The following PIAS1 variants were observed in gnomAD, a reference collection of about 807,000 sequenced individuals.
PIAS1 encodes E3 SUMO-protein ligase PIAS1.
PIAS1 carries 6 observed loss-of-function variants against 71.3 expected under a neutral mutation model. The ratio of observed to expected loss-of-function variants is 0.08; its 90% CI spans 0.05 to 0.17. PIAS1 has a LOEUF of 0.17. Ranked by LOEUF, PIAS1 falls within the 10% of genes least tolerant of loss-of-function variation. The pLI is 1.00. For missense variants in PIAS1, 555 were observed against 793.6 expected (o/e 0.70, Z 3.61); for synonymous variants, 303 against 292.9 (o/e 1.03, Z -0.35).
intron 1 of PIAS1, among the ~76,000 whole-genome samples, chr15:68,064,571 A>G (rs1442614707): frequency 6.6e-6 from 1 of 152,250 alleles, no homozygotes; most frequent in Non-Finnish European, 1.5e-5. Context: ...ACGGTTTCAG[A>G]TTCCTGCGTT....
intron 2 of PIAS1, among the ~76,000 whole-genome samples, chr15:68,132,502 A>G (rs1220586894): frequency 6.6e-6 from 1 of 152,094 alleles, no homozygotes; most frequent in Non-Finnish European, 1.5e-5. Context: ...TACAATGTTA[A>G]AGGTACATCA....
rs556812259 is a variant in PIAS1, at chr15:68,063,754, C to A, written c.24+9404C>A. ...TCCCCGAAGTTTTTCTGAGGGTTCT[C>A]CAGGTCAAAATGATTTTCCTAATAA... On this transcript the variant is annotated intron_variant, in intron 1 of 13. Transcript: ENST00000249636. 2.0e-3 allele frequency among the ~76,000 whole-genome samples: 301 copies of A among 152,170 alleles called. 1 individual carries two copies. The highest frequency in any genetic ancestry group is 2.8e-3 in the Non-Finnish European group (193 of 67,998).
chr15:68,152,990 A>T (rs2092859271), intron 6 of PIAS1, among the ~76,000 whole-genome samples: 1 of 150,422 alleles, frequency 6.6e-6, no homozygotes, highest in African/African-American at 2.4e-5. Context: ...CATTTGCCAA[A>T]CCAGCAGCTT....
intron 2 of PIAS1, among the ~76,000 whole-genome samples, chr15:68,120,046 GATCCT>G (rs1595740754): frequency 6.6e-6 from 1 of 152,306 alleles, no homozygotes; most frequent in East Asian, 1.9e-4. Flanking sequence ...GGGCTGAAGC[GATCCT>G]TCTGCCTCAG....
At chr15:68,131,397 G>A (rs2092686965) in intron 2 of PIAS1, among the ~76,000 whole-genome samples, 1 of 151,610 alleles carries the variant, frequency 6.6e-6, no homozygotes, top group East Asian at 1.9e-4. Flanking sequence ...CATTTTTTAG[G>A]TGATGAGAAC....
chr15:68,148,957 C>T (rs1257685835), intron 6 of PIAS1, among the ~76,000 whole-genome samples: 4 of 151,328 alleles, frequency 2.6e-5, no homozygotes, highest in Non-Finnish European at 4.4e-5. Flanking sequence ...AATTGAAAGT[C>T]GAGGGCTAAG....
chr15:68,083,005 A>G (rs1475976103), intron 1 of PIAS1, among the ~76,000 whole-genome samples: 2 of 152,172 alleles, frequency 1.3e-5, no homozygotes, highest in East Asian at 3.8e-4. Context: ...GTTCTGAGGC[A>G]TTCTAAATCC....
intron 1 of PIAS1, among the ~76,000 whole-genome samples, chr15:68,058,796 G>T (rs532227747): frequency 6.6e-6 from 1 of 152,162 alleles, no homozygotes; most frequent in Non-Finnish European, 1.5e-5. Context: ...GAGATATCAT[G>T]GTTAACATCT....
chr15:68,082,432 T>G (rs1029886011), intron 1 of PIAS1, among the ~76,000 whole-genome samples: 2 of 152,142 alleles, frequency 1.3e-5, no homozygotes, highest in Non-Finnish European at 2.9e-5. Flanking sequence ...TTACCTGATG[T>G]ATTTGAATAT....
intron 2 of PIAS1, among the ~76,000 whole-genome samples, chr15:68,093,907 A>C (rs533524682): frequency 6.6e-6 from 1 of 152,080 alleles, no homozygotes; most frequent in Admixed American, 6.6e-5. Context: ...CTAAATTCTG[A>C]AAGTATTCTA....
Position 68,171,272 on chromosome 15 carries a change from T to C in PIAS1, c.1009-2460T>C, listed in dbSNP as rs2092989676. On this transcript the variant is annotated intron_variant, in intron 8 of 13. Coordinates refer to ENST00000249636, the MANE Select transcript of PIAS1 (RefSeq NM_016166.3). The surrounding 1 kb of genome is among the most constrained non-coding windows in gnomAD (Gnocchi z 4.4). ...GTAACAGACATGGAGCTGTTCTCTCTTATGGTAACAGTGCCTTCTTCTGGA... is the reference window on the plus strand; with the variant it reads ...GTAACAGACATGGAGCTGTTCTCTCCTATGGTAACAGTGCCTTCTTCTGGA... Among the ~76,000 whole-genome samples, 2 of 152,200 alleles carry C rather than the reference T, an allele frequency of 1.3e-5. No homozygotes were observed. Among genetic ancestry groups the C allele is most frequent in the African/African-American group, 4.8e-5 (2 of 41,450 alleles).
chr15:68,186,895 CTG>C lies in PIAS1; in HGVS notation c.1663-644_1663-643del, dbSNP rs1186620906. On this transcript the variant is annotated intron_variant, in intron 13 of 13. Transcript: ENST00000249636. This position sits in a 1 kb window ranked among gnomAD's most constrained non-coding sequence, Gnocchi z 4.4. ...TACTGTCTAGGTTTGTGCAAGCACA[CTG>C]TGATGTTTGCACAGCCACAAAACCG... Among the ~76,000 whole-genome samples the C allele has an allele frequency of 1.3e-5, 2 of 152,220 alleles. No individual in the cohort carries two copies. The highest frequency in any genetic ancestry group is 2.4e-5 in the African/African-American group (1 of 41,456).
intron 12 of PIAS1, among the ~76,000 whole-genome samples, chr15:68,182,422 GCT>G (rs2093058869): frequency 8.2e-6 from 1 of 121,266 alleles, no homozygotes; most frequent in Non-Finnish European, 1.7e-5. Flanking sequence ...GGAAGTTACA[GCT>G]AGTGTGTGTG....
intron 2 of PIAS1, among the ~76,000 whole-genome samples, chr15:68,113,210 C>T (rs1317740025): frequency 6.6e-6 from 1 of 152,082 alleles, no homozygotes; most frequent in African/African-American, 2.4e-5. Context: ...TGTGCACATA[C>T]ATAGGTACAT....
intron 11 of PIAS1, among the ~76,000 whole-genome samples, chr15:68,176,945 T>A (rs1007017054): frequency 3.3e-5 from 5 of 152,118 alleles, no homozygotes; most frequent in Non-Finnish European, 1.5e-5. Flanking sequence ...AATGCATACA[T>A]TGCGCCCCCA....
At chr15:68,180,686 C>G (rs552012214) in intron 11 of PIAS1, among the ~76,000 whole-genome samples, 19 of 152,272 alleles carry the variant, frequency 1.2e-4, no homozygotes, top group Non-Finnish European at 2.2e-4. Context: ...GTATACTAAA[C>G]AATACCCAGT....
At chr15:68,120,415 T>A (rs952150025) in intron 2 of PIAS1, among the ~76,000 whole-genome samples, 2 of 152,180 alleles carry the variant, frequency 1.3e-5, no homozygotes, top group African/African-American at 4.8e-5. Flanking sequence ...TTTCCCCTTT[T>A]TCATATGCCT....
chr15:68,129,208 A>G (rs891273821), intron 2 of PIAS1, among the ~76,000 whole-genome samples: 2 of 152,052 alleles, frequency 1.3e-5, no homozygotes, highest in Admixed American at 1.3e-4. Context: ...GACTGTAGGC[A>G]CATACCACCA....
rs1295548480 is a variant in PIAS1 at position 68,171,904 on chromosome 15, A to G, written c.1009-1828A>G. ...TCAAGCCTTTATATTTTTCTTTCAT[A>G]TATATTTTTTTCTTTTATATGTTTT... is the stretch of plus-strand genomic sequence containing the variant. On this transcript the variant is annotated intron_variant, in intron 8 of 13. Transcript: ENST00000249636. This position sits in a 1 kb window ranked among gnomAD's most constrained non-coding sequence, Gnocchi z 4.4. Among the ~76,000 whole-genome samples, 2 of 151,186 alleles carry G rather than the reference A, an allele frequency of 1.3e-5. No individual in the cohort carries two copies. Among genetic ancestry groups the G allele is most frequent in the Non-Finnish European group, 2.9e-5 (2 of 67,856 alleles).
Sources: allele counts gnomAD v4.1 joint callset (sites outside exome capture counted in the v4.1 genomes callset), GRCh38; gene constraint gnomAD v4.1.1; non-coding constraint Gnocchi (gnomAD v3.1); transcripts MANE v1.5; gene names NCBI Gene and HGNC (gene_info 2026-07-23, HGNC 2026-07-21).